PKD1: variants seen among roughly 807,000 people sequenced by gnomAD.
PKD1 encodes polycystin 1, transient receptor potential channel interacting, also known as polycystin-1.
PKD1 carries 81 observed loss-of-function variants against 361.7 expected under a neutral mutation model. The observed-to-expected ratio is 0.22, with a 90% CI of 0.19 to 0.27. The LOEUF is 0.27. Ranked by LOEUF, PKD1 falls within the 10% of genes least tolerant of loss-of-function variation. PKD1 has a pLI of 1.00. For missense variants in PKD1, 6,399 were observed against 6,118.3 expected, an observed-to-expected ratio of 1.05 and a Z score of -1.53; for synonymous variants, 3,615 against 2,818.3, an observed-to-expected ratio of 1.28 and a Z score of -8.95.
At chr16:2,107,835 G>A (rs534917154) in intron 16 of PKD1, 48 bp downstream of exon 16, 36 of 1,522,428 alleles carry the variant, frequency 2.4e-5, no homozygotes, top group Middle Eastern at 2.3e-4. Context: ...GATGACCAGG[G>A]AGGCTGGGCT....
intron 1 of PKD1, among the ~76,000 whole-genome samples, chr16:2,123,956 C>T (rs989661368): frequency 1.3e-5 from 2 of 152,180 alleles, no homozygotes; most frequent in African/African-American, 4.8e-5. Flanking sequence ...ACAAGGGGTC[C>T]CCAGCGCCGA....
rs1023827234 is a variant in PKD1, at chr16:2,089,260, A to T, written c.*467T>A. On this transcript the variant is annotated 3_prime_UTR_variant, in exon 46 of 46. Coordinates refer to ENST00000262304, the MANE Select transcript of PKD1 (RefSeq NM_001009944.3). ...AATAGTGACATACAAAAATATACACATTTTAACACCATATAAATTACTGAC... is the reference window on the plus strand; with the variant it reads ...AATAGTGACATACAAAAATATACACTTTTTAACACCATATAAATTACTGAC... The T allele has an allele frequency of 5.4e-6, 1 of 185,212 alleles. No individual in the cohort carries two copies. The highest frequency in any genetic ancestry group is 2.4e-5 in the African/African-American group (1 of 42,374). The allele number at this position is 185,212 out of a possible 1,614,324, so 11.5% of individuals were successfully genotyped here.
At chr16:2,093,789 C>A (rs1162707042) in intron 36 of PKD1, 22 bp downstream of exon 36, 5 of 1,555,154 alleles carry the variant, frequency 3.2e-6, no homozygotes, top group African/African-American at 2.7e-5. Flanking sequence ...GGCCTGTAGC[C>A]TACCCCTGGC....
Position 2,106,517 on chromosome 16 carries a change from T to A in PKD1, c.7370A>T (p.Glu2457Val). 2.5e-6 allele frequency: 4 copies of A among 1,595,692 alleles called. No homozygotes were observed. The highest frequency in any genetic ancestry group is 3.4e-6 in the Non-Finnish European group (4 of 1,178,786). Reference sequence around the variant, plus strand: ...CAGGCGGATGGAGGCGCAGCCCTCCTCCTCGCCAGAGCGGCCCAGCACCGT... The same window carrying A: ...CAGGCGGATGGAGGCGCAGCCCTCCACCTCGCCAGAGCGGCCCAGCACCGT... Reference protein sequence around the residue: ...TLTVLGRSGEEEGCASIRLSP... With the variant: ...TLTVLGRSGEVEGCASIRLSP... Residue 2457 changes from glutamate to valine, a missense_variant, in exon 18 of 46, where the codon GAG becomes GTG. Coordinates refer to ENST00000262304, the MANE Select transcript of PKD1 (RefSeq NM_001009944.3). The surrounding 1 kb of genome is among the most constrained non-coding windows in gnomAD (Gnocchi z 6.5).
chr16:2,096,973 G>A, intron 34 of PKD1, 175 bp downstream of exon 34: 1 of 621,732 alleles, frequency 1.6e-6, no homozygotes, highest in East Asian at 2.7e-5. Flanking sequence ...GGGCCCTGGG[G>A]ATCCCATGAG....
At chr16:2,123,083 T>A (rs1466365334) in intron 1 of PKD1, among the ~76,000 whole-genome samples, 2 of 152,180 alleles carry the variant, frequency 1.3e-5, no homozygotes, top group Non-Finnish European at 2.9e-5. Context: ...CCCATCCCAC[T>A]GTGAACCAGG....
intron 20 of PKD1, 111 bp from the exon 21 acceptor site, chr16:2,105,585 G>A (rs1157333499): frequency 3.1e-6 from 5 of 1,591,036 alleles, no homozygotes; most frequent in South Asian, 2.2e-5. Context: ...GCTGTGTGAT[G>A]CGGGCACTGA....
At chr16:2,105,640 A>G in intron 20 of PKD1, 166 bp from the exon 21 acceptor site, 1 of 1,513,218 alleles carries the variant, frequency 6.6e-7, no homozygotes, top group Non-Finnish European at 8.9e-7. Flanking sequence ...CAGGGTAAGC[A>G]CATGGGCCCT....
chr16:2,116,706 C>A, intron 7 of PKD1, 62 bp from the exon 8 acceptor site: 2 of 1,218,148 alleles, frequency 1.6e-6, no homozygotes, highest in Admixed American at 2.0e-5. Context: ...GACGAACAGA[C>A]TGGGGACCGA....
In PKD1 at chr16:2,112,624, G is replaced by A. The variant is rs1004607725; in HGVS notation, c.3162-151C>T. Reference sequence around the variant, plus strand: ...ACCCGGCTGTGCTGAGGCCTCTCCCGGCTCCCGTGCAGCCTCAGGGCTCCT... The same window carrying A: ...ACCCGGCTGTGCTGAGGCCTCTCCCAGCTCCCGTGCAGCCTCAGGGCTCCT... On this transcript the variant is annotated intron_variant, in intron 13 of 45. Transcript: ENST00000262304. 6.9e-5 allele frequency: 70 copies of A among 1,012,424 alleles called. No homozygotes were observed. In the Admixed American group the frequency reaches 1.1e-3, roughly 16 times the overall value. The allele number at this position is 1,012,424 out of a possible 1,614,324, so 62.7% of individuals were successfully genotyped here. A position where few individuals can be genotyped will look rare whatever the true frequency, so the allele number is the denominator to read the frequency against.
chr16:2,092,188 G>A lies in PKD1; in HGVS notation c.11270C>T (p.Ala3757Val), dbSNP rs1016786301. The A allele has an allele frequency of 6.3e-7, 1 of 1,598,692 alleles. No homozygotes were observed. The highest frequency in any genetic ancestry group is 1.3e-5 in the African/African-American group (1 of 74,502). Residue 3757 changes from alanine to valine, a missense_variant and splice_region_variant, in exon 40 of 46, where the codon GCA becomes GTA. Coordinates refer to ENST00000262304, the MANE Select transcript of PKD1 (RefSeq NM_001009944.3). ...GGGGCCGGGAGGGTCTGGGTAGAGTGCTGAAACACACAGAGCCCCAGGCCG... is the reference window on the plus strand; with the variant it reads ...GGGGCCGGGAGGGTCTGGGTAGAGTACTGAAACACACAGAGCCCCAGGCCG... The part of the protein sequence containing the change: ...PRLRQVRLQE[A>V]LYPDPPGPRV...
intron 40 of PKD1, 69 bp from the exon 41 acceptor site, chr16:2,091,975 G>C: frequency 6.2e-7 from 1 of 1,612,052 alleles, no homozygotes; most frequent in Non-Finnish European, 8.5e-7. Flanking sequence ...GGCTGGTCAG[G>C]AGGCCGCGGC....
rs1355905739 is a variant in PKD1 at position 2,118,576 on chromosome 16, C to A, written c.529+100G>T. On this transcript the variant is annotated intron_variant, in intron 4 of 45. Transcript: ENST00000262304. This position sits in a 1 kb window ranked among gnomAD's most constrained non-coding sequence, Gnocchi z 6.0. ...CATGCTGTTCCCTTGGCCCGGAGGCCCCCCCCAGAGAGGCCTTCCTGAGCC... is the reference window on the plus strand; with the variant it reads ...CATGCTGTTCCCTTGGCCCGGAGGCACCCCCCAGAGAGGCCTTCCTGAGCC... The A allele has an allele frequency of 2.8e-5, 25 of 887,878 alleles. No individual in the cohort carries two copies. In the East Asian group the frequency reaches 6.6e-4, roughly 23 times the overall value. The allele number at this position is 887,878 out of a possible 1,614,324, so 55.0% of individuals were successfully genotyped here.
Position 2,100,270 on chromosome 16 carries a change from C to T in PKD1, c.9608G>A (p.Arg3203Lys). 6.2e-7 allele frequency: 1 copy of T among 1,610,824 alleles called. No homozygotes were observed. Among genetic ancestry groups the T allele is most frequent in the East Asian group, 2.2e-5 (1 of 44,876 alleles). ...GGCGCTGCGTGCCGTCTGCAGGTCC[C>T]TGACGATGACGTGCTGCAGGAACCA... Reference protein sequence around the residue: ...PAWFLQHVIVRDLQTARSAFF... With the variant: ...PAWFLQHVIVKDLQTARSAFF... Residue 3203 changes from arginine (R) to lysine (K), a missense_variant, in exon 28 of 46, where the codon AGG becomes AAG. Transcript: ENST00000262304. This position sits in a 1 kb window ranked among gnomAD's most constrained non-coding sequence, Gnocchi z 4.4.
rs781761438 is a variant in PKD1 at position 2,110,829 on chromosome 16, G to C, written c.4338C>G (p.Thr1446=). ...TGGCAGCAGAGATGTTGTTGGACGCGGTGACTGTCACAAGATAGGAGCCTG... is the reference window on the plus strand; with the variant it reads ...TGGCAGCAGAGATGTTGTTGGACGCCGTGACTGTCACAAGATAGGAGCCTG... ...RDPGSYLVTV[T]ASNNISAAND... Residue 1446 remains threonine, a synonymous_variant, in exon 15 of 46, where the codon ACC becomes ACG. Transcript: ENST00000262304. 6.2e-7 allele frequency: 1 copy of C among 1,611,756 alleles called. No homozygotes were observed. Among genetic ancestry groups the C allele is most frequent in the South Asian group, 1.1e-5 (1 of 91,034 alleles).
At chr16:2,127,106 C>T (rs2092808909) in intron 1 of PKD1, among the ~76,000 whole-genome samples, 3 of 152,072 alleles carry the variant, frequency 2.0e-5, no homozygotes, top group South Asian at 4.2e-4. Flanking sequence ...GGCACAACCT[C>T]CCCAAAGCTC....
chr16:2,110,987 G>A lies in PKD1; in HGVS notation c.4180C>T (p.Leu1394Phe), dbSNP rs1269999413. 1.9e-6 allele frequency: 3 copies of A among 1,610,460 alleles called. No individual in the cohort carries two copies. The highest frequency in any genetic ancestry group is 2.5e-6 in the Non-Finnish European group (3 of 1,179,678). ...TLQPERQFVQ[L>F]GDEAWLVACA... The stretch of plus-strand genomic sequence containing the variant: ...GCCACCAGCCAGGCCTCGTCCCCGA[G>A]CTGCACAAACTGCCTCTCTGGCTGC... Residue 1394 changes from leucine (L) to phenylalanine (F), a missense_variant, in exon 15 of 46, where the codon CTC becomes TTC. Coordinates refer to ENST00000262304, the MANE Select transcript of PKD1 (RefSeq NM_001009944.3).
intron 44 of PKD1, 30 bp downstream of exon 44, chr16:2,090,644 G>C (rs750984952): frequency 1.4e-5 from 23 of 1,610,256 alleles, no homozygotes; most frequent in Non-Finnish European, 1.5e-5. Context: ...GCTGAGCTAA[G>C]ACGCCCTCCC....
intron 42 of PKD1, 108 bp from the exon 43 acceptor site, chr16:2,091,282 C>G (rs1200432713): frequency 1.3e-4 from 38 of 300,344 alleles, no homozygotes; most frequent in African/African-American, 1.1e-3. Context: ...GGGACGCTGC[C>G]GGGGCGGGGC....
Sources: gnomAD v4.1 joint callset for allele counts (sites outside exome capture counted in the v4.1 genomes callset) on GRCh38, gnomAD v4.1.1 for gene constraint, Gnocchi (gnomAD v3.1) non-coding constraint, MANE v1.5 for transcripts, NCBI Gene and HGNC (gene_info 2026-07-23, HGNC 2026-07-21) for gene names.